Variants in SGCZ observed in about 807,000 individuals in gnomAD.
SGCZ encodes the protein zeta-sarcoglycan.
In SGCZ, 40 loss-of-function variants were observed where a neutral mutation model predicts 41.3. That is an observed-to-expected ratio of 0.97 (90% CI 0.75 to 1.26). SGCZ has a LOEUF of 1.26. Ranked by LOEUF, SGCZ falls within the 50% of genes most tolerant of loss-of-function variation. The pLI is 0.00. For missense variants in SGCZ, 552 were observed against 369.8 expected, an observed-to-expected ratio of 1.49 and a Z score of -4.04; for synonymous variants, 206 against 137.5, an observed-to-expected ratio of 1.50 and a Z score of -3.49.
intron 1 of SGCZ, among the ~76,000 whole-genome samples, chr8:15,147,490 C>T (rs1799067314): frequency 6.6e-6 from 1 of 152,182 alleles, no homozygotes. Context: ...GTTCGTCAGG[C>T]TGGTCTCGAA....
At chr8:15,100,719 A>C (rs751025678) in intron 1 of SGCZ, among the ~76,000 whole-genome samples, 18 of 152,252 alleles carry the variant, frequency 1.2e-4, no homozygotes, top group Non-Finnish European at 1.8e-4. Context: ...GTGGTGGCTC[A>C]CTACTATAAT....
At chr8:14,446,839 T>TA (rs1302175895) in intron 2 of SGCZ, among the ~76,000 whole-genome samples, 2 of 152,158 alleles carry the variant, frequency 1.3e-5, no homozygotes, top group African/African-American at 4.8e-5. Flanking sequence ...GTGTTATTTT[T>TA]AAAAGCACAA....
At chr8:14,903,140 G>C (rs1799022476) in intron 1 of SGCZ, among the ~76,000 whole-genome samples, 1 of 152,026 alleles carries the variant, frequency 6.6e-6, no homozygotes, top group South Asian at 2.1e-4. Context: ...CTTCTCTAAA[G>C]TACTATATCA....
chr8:14,102,096 ATATATATAAT>A (rs1563127113), intron 7 of SGCZ, among the ~76,000 whole-genome samples: 2,051 of 107,244 alleles, frequency 0.019, 33 homozygotes, highest in Non-Finnish European at 0.026. Flanking sequence ...ATATATATAT[ATATATATAAT>A]TTTTTTTTTT....
At chr8:14,710,210 CAA>C (rs35705497) in intron 1 of SGCZ, among the ~76,000 whole-genome samples, 2 of 147,182 alleles carry the variant, frequency 1.4e-5, no homozygotes, top group East Asian at 2.0e-4. Flanking sequence ...CTAAAAAAAA[CAA>C]AAAAAAAATT....
chr8:14,640,625 T>C (rs1258751499), intron 1 of SGCZ, among the ~76,000 whole-genome samples: 1 of 146,076 alleles, frequency 6.8e-6, no homozygotes, highest in Non-Finnish European at 1.5e-5. Context: ...TATACACACA[T>C]ATATGTGCAA....
At chr8:15,182,075 G>GGAAGAAT (rs1563170006) in intron 1 of SGCZ, among the ~76,000 whole-genome samples, 1 of 152,070 alleles carries the variant, frequency 6.6e-6, no homozygotes, top group African/African-American at 2.4e-5. Flanking sequence ...TATTCATTCC[G>GGAAGAAT]AAATTCATGG....
intron 1 of SGCZ, among the ~76,000 whole-genome samples, chr8:14,928,215 T>G (rs1337188851): frequency 6.6e-6 from 1 of 152,222 alleles, no homozygotes; most frequent in East Asian, 1.9e-4. Context: ...CATTCAAGAA[T>G]GAAGACTGAT....
chr8:14,421,158 A>T (rs1000129272), intron 2 of SGCZ, among the ~76,000 whole-genome samples: 1 of 152,138 alleles, frequency 6.6e-6, no homozygotes, highest in Non-Finnish European at 1.5e-5. Flanking sequence ...ATGCCTTCGT[A>T]TGACCAGTCT....
intron 1 of SGCZ, among the ~76,000 whole-genome samples, chr8:15,165,529 G>C (rs867552905): frequency 2.0e-5 from 3 of 152,276 alleles, no homozygotes; most frequent in Middle Eastern, 6.8e-3. Context: ...GGGACATATG[G>C]AACTAACTAC....
chr8:14,178,772 C>T (rs575574332), intron 4 of SGCZ, among the ~76,000 whole-genome samples: 99 of 152,258 alleles, frequency 6.5e-4, no homozygotes, highest in African/African-American at 2.3e-3. Flanking sequence ...TACAGATAAA[C>T]TGTTAAAGAT....
intron 1 of SGCZ, among the ~76,000 whole-genome samples, chr8:14,840,433 G>C (rs1014970620): frequency 2.0e-5 from 3 of 152,088 alleles, no homozygotes; most frequent in African/African-American, 7.2e-5. Flanking sequence ...ATAATACAAT[G>C]TTGCGGAAAA....
Position 14,811,518 on chromosome 8 carries a change from C to CTTTTTT in SGCZ, c.40-256598_40-256593dup, listed in dbSNP as rs71209087. On this transcript the variant is annotated intron_variant, in intron 1 of 7. Coordinates refer to ENST00000382080, the MANE Select transcript of SGCZ (RefSeq NM_139167.4). The stretch of plus-strand genomic sequence containing the variant: ...AAACATTCGCTGAAAGACACTGCAT[C>CTTTTTT]TTTTTTTTTTTTTTTTTTTTTTTTT... 4.9e-3 allele frequency among the ~76,000 whole-genome samples: 245 copies of CTTTTTT among 49,748 alleles called. 76 individuals carry two copies. Among genetic ancestry groups the CTTTTTT allele is most frequent in the African/African-American group, 0.011 (140 of 12,914 alleles). The allele number at this position is 49,748 out of a possible 152,430, so 32.6% of individuals were successfully genotyped here. A position where few individuals can be genotyped will look rare whatever the true frequency, so the allele number is the denominator to read the frequency against.
chr8:15,177,473 C>G (rs904037135), intron 1 of SGCZ, among the ~76,000 whole-genome samples: 3 of 152,112 alleles, frequency 2.0e-5, no homozygotes, highest in Admixed American at 1.3e-4. Flanking sequence ...TTGACAACAT[C>G]AACTATTTGA....
chr8:15,163,237 C>T lies in SGCZ; in HGVS notation c.39+74348G>A, dbSNP rs1799566437. 2.0e-5 allele frequency among the ~76,000 whole-genome samples: 3 copies of T among 152,188 alleles called. 1 individual carries two copies. The South Asian group carries it at 6.2e-4, about 31-fold the overall frequency. Reference sequence around the variant, plus strand: ...CATGTGTCGGCCACCGTTTTAAACACTTTACAAGCATTACCACATTGAATC... The same window carrying T: ...CATGTGTCGGCCACCGTTTTAAACATTTTACAAGCATTACCACATTGAATC... On this transcript the variant is annotated intron_variant, in intron 1 of 7. Coordinates refer to ENST00000382080, the MANE Select transcript of SGCZ (RefSeq NM_139167.4).
intron 7 of SGCZ, among the ~76,000 whole-genome samples, chr8:14,092,372 G>T (rs1290335488): frequency 6.6e-6 from 1 of 152,088 alleles, no homozygotes; most frequent in Non-Finnish European, 1.5e-5. Flanking sequence ...ATAGTAGCTT[G>T]ATGGAGATAT....
chr8:14,797,157 G>A (rs1405243093), intron 1 of SGCZ, among the ~76,000 whole-genome samples: 1 of 131,390 alleles, frequency 7.6e-6, no homozygotes, highest in Non-Finnish European at 1.8e-5. Context: ...TAACAGGCAG[G>A]GGTGGGGACA....
intron 4 of SGCZ, among the ~76,000 whole-genome samples, chr8:14,206,978 T>C (rs983646117): frequency 6.6e-6 from 1 of 152,142 alleles, no homozygotes; most frequent in Non-Finnish European, 1.5e-5. Flanking sequence ...CATGGACCCC[T>C]GAGGTTCCGT....
chr8:14,682,149 G>A (rs1808467689), intron 1 of SGCZ, among the ~76,000 whole-genome samples: 1 of 152,012 alleles, frequency 6.6e-6, no homozygotes, highest in African/African-American at 2.4e-5. Context: ...AGGCTGGAAA[G>A]GTTCAGAGAA....
Sources: gnomAD v4.1 joint callset for allele counts (sites outside exome capture counted in the v4.1 genomes callset) on GRCh38, gnomAD v4.1.1 for gene constraint, MANE v1.5 for transcripts, NCBI Gene and HGNC (gene_info 2026-07-23, HGNC 2026-07-21) for gene names.